Variants in AOPEP observed in about 807,000 individuals in gnomAD.
AOPEP encodes the protein aminopeptidase O (putative), also known as aminopeptidase O.
AOPEP carries 77 observed loss-of-function variants against 98.1 expected under a neutral mutation model. The observed-to-expected ratio is 0.78, with a 90% CI of 0.65 to 0.95. The LOEUF is 0.95. Ranked by LOEUF, AOPEP falls within the 40% of genes least tolerant of loss-of-function variation. The pLI is 0.00. For missense variants in AOPEP, 1,024 were observed against 1,024.7 expected (o/e 1.00, Z 0.01); for synonymous variants, 346 against 365.3 (o/e 0.95, Z 0.60).
intron 10 of AOPEP, among the ~76,000 whole-genome samples, chr9:94,971,560 A>G (rs928740195): frequency 2.0e-5 from 3 of 152,192 alleles, no homozygotes; most frequent in African/African-American, 7.2e-5. Flanking sequence ...CTCTGTTGCA[A>G]ACTGATCCTT....
intron 4 of AOPEP, among the ~76,000 whole-genome samples, chr9:94,799,484 T>A: frequency 6.6e-6 from 1 of 151,020 alleles, no homozygotes; most frequent in Admixed American, 6.6e-5. Flanking sequence ...GTAGGAGGAT[T>A]GCTTGAGCCC....
chr9:94,963,111 A>T (rs950300073), intron 9 of AOPEP, among the ~76,000 whole-genome samples: 10 of 152,002 alleles, frequency 6.6e-5, no homozygotes, highest in African/African-American at 2.2e-4. Flanking sequence ...TCTTCCTGAC[A>T]ATTTCATTTC....
chr9:94,931,769 T>C, intron 7 of AOPEP: 1 of 1,550,262 alleles, frequency 6.5e-7, no homozygotes, highest in Non-Finnish European at 8.7e-7. Context: ...TTTGCCACAC[T>C]GTTCAACATG....
intron 5 of AOPEP, among the ~76,000 whole-genome samples, chr9:94,858,252 T>C (rs2044483305): frequency 6.6e-6 from 1 of 152,212 alleles, no homozygotes; most frequent in Non-Finnish European, 1.5e-5. Flanking sequence ...TATCTGGCGC[T>C]GTACAGATGG....
chr9:95,071,590 G>A (rs376276617), intron 14 of AOPEP, among the ~76,000 whole-genome samples: 2 of 152,128 alleles, frequency 1.3e-5, no homozygotes, highest in Admixed American at 6.5e-5. Flanking sequence ...CAGGATTGCC[G>A]TGGAAGAGAC....
At chr9:95,127,642 G>A in the AOPEP span, among the ~76,000 whole-genome samples, 7 of 152,212 alleles carry the variant, frequency 4.6e-5, no homozygotes, top group Non-Finnish European at 8.8e-5. Flanking sequence ...TGGATCAGGC[G>A]CTATTGGAAA....
At chr9:94,816,843 A>G (rs1336274361) in intron 5 of AOPEP, among the ~76,000 whole-genome samples, 3 of 152,190 alleles carry the variant, frequency 2.0e-5, no homozygotes, top group Non-Finnish European at 4.4e-5. Flanking sequence ...TGAGTCTAAC[A>G]AAGGCAGCAG....
At chr9:94,891,326 G>C (rs547182640) in intron 5 of AOPEP, among the ~76,000 whole-genome samples, 2 of 152,282 alleles carry the variant, frequency 1.3e-5, no homozygotes, top group South Asian at 4.1e-4. Context: ...TACGCTTGAA[G>C]TGAATTTCTT....
intron 5 of AOPEP, among the ~76,000 whole-genome samples, chr9:94,918,539 A>G (rs1475126544): frequency 1.3e-5 from 2 of 152,218 alleles, no homozygotes; most frequent in African/African-American, 2.4e-5. Context: ...GGCAGAGTGG[A>G]TCAGAGTGAG....
intron 2 of AOPEP, among the ~76,000 whole-genome samples, chr9:94,768,226 C>G (rs34940574): frequency 3.3e-5 from 5 of 152,052 alleles, no homozygotes. Flanking sequence ...CATGGGGCCA[C>G]TGTGGGCTCA....
chr9:94,846,628 G>A (rs1351388546), intron 5 of AOPEP, among the ~76,000 whole-genome samples: 1 of 152,240 alleles, frequency 6.6e-6, no homozygotes, highest in African/African-American at 2.4e-5. Flanking sequence ...GAAGCTGGCT[G>A]GGCATGGTGG....
the AOPEP span, among the ~76,000 whole-genome samples, chr9:95,117,973 C>T: frequency 5.9e-5 from 9 of 152,184 alleles, no homozygotes; most frequent in East Asian, 1.2e-3. Context: ...CTGGCCGCCT[C>T]GGCCTCCCAA....
chr9:94,772,874 C>G, intron 2 of AOPEP, 128 bp from the exon 3 acceptor site: 3 of 889,176 alleles, frequency 3.4e-6, no homozygotes, highest in Non-Finnish European at 5.0e-6. Flanking sequence ...GCTAGGAAAC[C>G]AGTCAACTAC....
At chr9:94,846,745 C>G (rs918844774) in intron 5 of AOPEP, among the ~76,000 whole-genome samples, 5 of 152,050 alleles carry the variant, frequency 3.3e-5, no homozygotes, top group Admixed American at 6.6e-5. Context: ...TCCATCTTTA[C>G]AAAAATTTTA....
chr9:94,736,858 A>G (rs1181627220), intron 1 of AOPEP, among the ~76,000 whole-genome samples: 5 of 152,230 alleles, frequency 3.3e-5, no homozygotes, highest in African/African-American at 1.2e-4. Flanking sequence ...CAGTGGGGAC[A>G]GTGACTGAAC....
At chr9:95,128,740 C>T in the AOPEP span, among the ~76,000 whole-genome samples, 1 of 152,230 alleles carries the variant, frequency 6.6e-6, no homozygotes, top group African/African-American at 2.4e-5. Flanking sequence ...CTTCCCCATA[C>T]AGATGGACTC....
the AOPEP span, among the ~76,000 whole-genome samples, chr9:95,129,321 G>A: frequency 6.6e-6 from 1 of 152,130 alleles, no homozygotes; most frequent in African/African-American, 2.4e-5. Context: ...ATGTCCCAGC[G>A]ACATCAAATC....
intron 5 of AOPEP, among the ~76,000 whole-genome samples, chr9:94,825,149 G>A (rs917032809): frequency 3.3e-5 from 5 of 152,062 alleles, no homozygotes; most frequent in African/African-American, 1.2e-4. Context: ...AGGGAAATTG[G>A]CCTCCCCCAA....
chr9:94,990,989 A>C (rs555344538), intron 11 of AOPEP, among the ~76,000 whole-genome samples: 1 of 152,346 alleles, frequency 6.6e-6, no homozygotes, highest in African/African-American at 2.4e-5. Context: ...AAAGCCCGGC[A>C]AAGCAGTAGT....
Sources: gnomAD v4.1 joint callset for allele counts (sites outside exome capture counted in the v4.1 genomes callset) on GRCh38, gnomAD v4.1.1 for gene constraint, MANE v1.5 for transcripts, NCBI Gene and HGNC (gene_info 2026-07-23, HGNC 2026-07-21) for gene names.